DNAJB12: variants seen among roughly 807,000 people sequenced by gnomAD.
DNAJB12 encodes dnaJ homolog subfamily B member 12.
DNAJB12 carries 14 observed loss-of-function variants against 40.6 expected under a neutral mutation model. The ratio of observed to expected loss-of-function variants is 0.34; its 90% CI spans 0.23 to 0.54. The LOEUF is 0.54. DNAJB12 is among the 20% of genes least tolerant of loss of function. The pLI is 0.92. For missense variants in DNAJB12, 444 were observed against 501.7 expected, an observed-to-expected ratio of 0.89 and a Z score of 1.10; for synonymous variants, 181 against 199.5, an observed-to-expected ratio of 0.91 and a Z score of 0.78.
intron 5 of DNAJB12, among the ~76,000 whole-genome samples, chr10:72,339,415 TCC>T (rs1861568173): frequency 6.6e-6 from 1 of 151,832 alleles, no homozygotes; most frequent in Non-Finnish European, 1.5e-5. Context: ...GCGCCTGTAC[TCC>T]CAGCTACGTA....
In DNAJB12 at chr10:72,354,838, C is replaced by T. The variant is rs906911500; in HGVS notation, c.60G>A (p.Gln20=). ...RCISIALKAI[Q]SNQPDRALRF... is the part of the protein sequence containing the mutation. ...GGAGCGCCCGGTCGGGCTGGTTGCT[C>T]TGGATGGCCTTGAGGGCGATGCTGA... The change falls in exon 1 of 9, where the codon CAG becomes CAA. Residue 20 remains glutamine (Q), a synonymous_variant. Coordinates refer to ENST00000444643, the MANE Select transcript of DNAJB12 (RefSeq NM_017626.7). 3 of 1,614,104 alleles carry T rather than the reference C, an allele frequency of 1.9e-6. No individual in the cohort carries two copies. Among genetic ancestry groups the T allele is most frequent in the Non-Finnish European group, 2.5e-6 (3 of 1,179,940 alleles).
chr10:72,354,776 G>T lies in DNAJB12; in HGVS notation c.122C>A (p.Pro41Gln), dbSNP rs1460769696. The change falls in exon 1 of 9, where the codon CCG becomes CAG. Residue 41 changes from proline (P) to glutamine (Q), a missense_variant. Transcript: ENST00000444643. ...CACCTCACACTCACCGCGAACTCGC[G>T]GCGTCGGATACAGCCGCTGTGCCTT... ...LEKAQRLYPT[P>Q]RVRALIESLN... is the part of the protein sequence containing the mutation. The T allele has an allele frequency of 6.2e-7, 1 of 1,612,480 alleles. No individual in the cohort carries two copies. Among genetic ancestry groups the T allele is most frequent in the Admixed American group, 1.7e-5 (1 of 60,000 alleles).
rs771036075 is a variant in DNAJB12 at position 72,349,557 on chromosome 10, CAAG to C, written c.134-4433_134-4431del. Among the ~76,000 whole-genome samples, 27 of 152,312 alleles carry C rather than the reference CAAG, an allele frequency of 1.8e-4. 1 individual carries two copies. The South Asian group carries it at 3.1e-3, about 18-fold the overall frequency. On this transcript the variant is annotated intron_variant, in intron 1 of 8. Coordinates refer to ENST00000444643, the MANE Select transcript of DNAJB12 (RefSeq NM_017626.7). ...CAGTATGCTGTTTCCTAGAGCTTTTCAAGAAGCTCTTTATTATTTCAGTTCCTC... is the reference window on the plus strand; with the variant it reads ...CAGTATGCTGTTTCCTAGAGCTTTTCAAGCTCTTTATTATTTCAGTTCCTC...
rs1323622002 is a variant in DNAJB12, at chr10:72,340,746, T to C, written c.723+43A>G. On this transcript the variant is annotated intron_variant, in intron 5 of 8. Transcript: ENST00000444643. Reference sequence around the variant, plus strand: ...TCCAAGCCCCCTCCCTGGGGTGGATTTGGTGCCCTTCCCGCGCTGTCCCTG... The same window carrying C: ...TCCAAGCCCCCTCCCTGGGGTGGATCTGGTGCCCTTCCCGCGCTGTCCCTG... The C allele has an allele frequency of 3.8e-6, 6 of 1,595,398 alleles. No individual in the cohort carries two copies. The Admixed American group carries it at 8.5e-5, about 23-fold the overall frequency.
At chr10:72,345,260 T>A in intron 1 of DNAJB12, 133 bp from the exon 2 acceptor site, 1 of 1,016,148 alleles carries the variant, frequency 9.8e-7, no homozygotes, top group Non-Finnish European at 1.4e-6. Flanking sequence ...GGCCTGTGGG[T>A]GCTGGGGGGA....
intron 6 of DNAJB12, among the ~76,000 whole-genome samples, chr10:72,337,546 T>C (rs562016536): frequency 8.5e-5 from 13 of 152,218 alleles, no homozygotes; most frequent in Non-Finnish European, 1.8e-4. Context: ...ATTAAACTAA[T>C]ATTGTTGAGC....
intron 5 of DNAJB12, among the ~76,000 whole-genome samples, chr10:72,340,281 T>G (rs1403971984): frequency 1.3e-5 from 2 of 151,600 alleles, no homozygotes; most frequent in African/African-American, 4.9e-5. Flanking sequence ...GAGGCGGAGG[T>G]TGCAGTGAGC....
At chr10:72,336,350 C>T (rs11000267) in intron 7 of DNAJB12, among the ~76,000 whole-genome samples, 174 bp downstream of exon 7, 2 of 152,214 alleles carry the variant, frequency 1.3e-5, no homozygotes, top group Non-Finnish European at 2.9e-5. Context: ...CTCCCAGCCC[C>T]GGAGAAACAC....
At position 72,344,997 on chromosome 10, in the gene DNAJB12, T is replaced by G; in HGVS notation, c.264A>C (p.Gly88=). The change falls in exon 2 of 9, where the codon GGA becomes GGC. Residue 88 remains glycine (G), a synonymous_variant. Transcript: ENST00000444643. ...CTGCAGTGTAGCCTTTGGTGCTCTC[T>G]CCTCCAGCTTCACCGTTGGCCGAGG... ...DAPSANGEAG[G]ESTKGYTAEQ... is the part of the protein sequence containing the mutation. The G allele has an allele frequency of 6.2e-7, 1 of 1,614,174 alleles. No individual in the cohort carries two copies. Among genetic ancestry groups the G allele is most frequent in the Admixed American group, 1.7e-5 (1 of 60,026 alleles).
Position 72,335,889 on chromosome 10 carries a change from T to A in DNAJB12, c.1049A>T (p.Asp350Val), listed in dbSNP as rs776473495. Residue 350 changes from aspartate (D) to valine (V), a missense_variant, in exon 8 of 9, where the codon GAT becomes GTT. Coordinates refer to ENST00000444643, the MANE Select transcript of DNAJB12 (RefSeq NM_017626.7). The surrounding 1 kb of genome is among the most constrained non-coding windows in gnomAD (Gnocchi z 4.4). ...CATCTTCTGTGCTCTGTGGTACATA[T>A]CTGTGTCGCCAAAGTAGCGTGCCCG... is the stretch of plus-strand genomic sequence containing the variant. ...LYRARYFGDT[D>V]MYHRAQKMGT... is the part of the protein sequence containing the mutation. 7 of 1,613,996 alleles carry A rather than the reference T, an allele frequency of 4.3e-6. No homozygotes were observed. Among genetic ancestry groups the A allele is most frequent in the Admixed American group, 3.3e-5 (2 of 60,000 alleles).
rs1056645112 is a variant in DNAJB12 at position 72,335,557 on chromosome 10, A to C, written c.*30+223T>G. On this transcript the variant is annotated intron_variant, in intron 8 of 8. Coordinates refer to ENST00000444643, the MANE Select transcript of DNAJB12 (RefSeq NM_017626.7). This position sits in a 1 kb window ranked among gnomAD's most constrained non-coding sequence, Gnocchi z 4.4. ...CCACACCCCTGGAGCCAGGGAGCAGAGCGGAGGAGTGGGGAGGACAGCATC... is the reference window on the plus strand; with the variant it reads ...CCACACCCCTGGAGCCAGGGAGCAGCGCGGAGGAGTGGGGAGGACAGCATC... 7.6e-7 allele frequency: 1 copy of C among 1,316,578 alleles called. No homozygotes were observed. The highest frequency in any genetic ancestry group is 9.7e-7 in the Non-Finnish European group (1 of 1,026,464). The allele number at this position is 1,316,578 out of a possible 1,614,324, so 81.6% of individuals were successfully genotyped here. A position where few individuals can be genotyped will look rare whatever the true frequency, so the allele number is the denominator to read the frequency against.
chr10:72,342,440 G>A (rs531026137), intron 3 of DNAJB12, among the ~76,000 whole-genome samples: 74 of 152,304 alleles, frequency 4.9e-4, no homozygotes, highest in Non-Finnish European at 8.8e-4. Flanking sequence ...CGGTACAGTC[G>A]GAGCAGGCTG....
At position 72,338,302 on chromosome 10, in the gene DNAJB12, C is replaced by A; in HGVS notation, c.733G>T (p.Gly245Trp). ...RRDNQGDGGL[G>W]VFVQLMPILI... ...ATAGGCATCAGCTGCACAAACACCC[C>A]TAGCCCGCCCTGGAGGGAAGAGCCA... is the stretch of plus-strand genomic sequence containing the variant. The change falls in exon 6 of 9, where the codon GGG (glycine) becomes TGG (tryptophan). Residue 245 changes from glycine (G) to tryptophan (W), a missense_variant. Coordinates refer to ENST00000444643, the MANE Select transcript of DNAJB12 (RefSeq NM_017626.7). 3.1e-6 allele frequency: 5 copies of A among 1,613,966 alleles called. No homozygotes were observed. The highest frequency in any genetic ancestry group is 4.2e-6 in the Non-Finnish European group (5 of 1,179,892).
At chr10:72,338,174 C>A in intron 6 of DNAJB12, 28 bp downstream of exon 6, 1 of 1,596,962 alleles carries the variant, frequency 6.3e-7, no homozygotes. Context: ...CTTGTCTGCC[C>A]ATGGCCCGGC....
chr10:72,334,855 G>A (rs2131975293), intron 8 of DNAJB12: 1 of 1,337,896 alleles, frequency 7.5e-7, no homozygotes, highest in Non-Finnish European at 9.5e-7. Context: ...GGAGGGGGTG[G>A]GCAGGGCACC....
At chr10:72,353,837 C>T (rs2132011628) in intron 1 of DNAJB12, 1 of 152,304 alleles carries the variant, frequency 6.6e-6, no homozygotes. Context: ...CTGGGCCCTT[C>T]GGAGTGCCTG....
chr10:72,336,851 G>GTT, intron 6 of DNAJB12, 155 bp from the exon 7 acceptor site: 1 of 588,782 alleles, frequency 1.7e-6, no homozygotes, highest in Non-Finnish European at 2.9e-6. Context: ...CCTGAAAGGA[G>GTT]AGTCTGAGGA....
intron 1 of DNAJB12, among the ~76,000 whole-genome samples, chr10:72,348,617 G>T (rs576031671): frequency 6.6e-6 from 1 of 152,244 alleles, no homozygotes; most frequent in African/African-American, 2.4e-5. Context: ...CTCCAGTGGA[G>T]CACTGTGCCC....
chr10:72,351,580 C>CGAG (rs1171185352), intron 1 of DNAJB12, among the ~76,000 whole-genome samples: 1 of 152,260 alleles, frequency 6.6e-6, no homozygotes, highest in Non-Finnish European at 1.5e-5. Flanking sequence ...CTGCCATTAC[C>CGAG]TCTCCATGGC....
Sources: gnomAD v4.1 joint callset for allele counts (sites outside exome capture counted in the v4.1 genomes callset) on GRCh38, gnomAD v4.1.1 for gene constraint, Gnocchi (gnomAD v3.1) non-coding constraint, MANE v1.5 for transcripts, NCBI Gene and HGNC (gene_info 2026-07-23, HGNC 2026-07-21) for gene names.